SUCLA2: variants seen among roughly 807,000 people sequenced by gnomAD.
SUCLA2 encodes succinate--CoA ligase [ADP-forming] subunit beta, mitochondrial.
A neutral mutation model predicts 54.8 loss-of-function variants in SUCLA2; 30 were observed. The observed-to-expected ratio is 0.55, with a 90% confidence interval of 0.41 to 0.74. The LOEUF (loss-of-function observed/expected upper bound fraction) is 0.74. Ranked by LOEUF, SUCLA2 falls within the 30% of genes least tolerant of loss-of-function variation. The probability of loss-of-function intolerance (pLI) is 0.00; values close to 1 mark genes in which losing one functional copy is unlikely to be tolerated. For synonymous variants in SUCLA2, 172 were observed against 188.9 expected, an observed-to-expected ratio of 0.91 and a Z score of 0.74; for missense variants, 476 against 562.9, an observed-to-expected ratio of 0.85 and a Z score of 1.56.
chr13:47,970,109 C>CA (rs34021393), intron 5 of SUCLA2, among the ~76,000 whole-genome samples: 9,099 of 140,086 alleles, frequency 0.065, 317 homozygotes, highest in Middle Eastern at 0.089. Flanking sequence ...CTCCCCCCCA[C>CA]AAAAAAAAAA....
chr13:47,963,553 G>A (rs1181764734), intron 6 of SUCLA2, among the ~76,000 whole-genome samples: 8 of 152,150 alleles, frequency 5.3e-5, no homozygotes, highest in African/African-American at 1.9e-4. Flanking sequence ...GCCGAGACAG[G>A]AGAATCGCCT....
At chr13:47,989,292 G>C (rs1950132273) in intron 2 of SUCLA2, among the ~76,000 whole-genome samples, 1 of 150,256 alleles carries the variant, frequency 6.7e-6, no homozygotes, top group South Asian at 2.1e-4. Context: ...CTCACTGTAA[G>C]CTCCGCCTCC....
Position 47,998,701 on chromosome 13 carries a change from G to C in SUCLA2, c.91-1678C>G, listed in dbSNP as rs112876389. Among the ~76,000 whole-genome samples the C allele has an allele frequency of 7.2e-5, 11 of 152,250 alleles. 1 individual carries two copies. Among genetic ancestry groups the C allele is most frequent in the African/African-American group, 2.6e-4 (11 of 41,550 alleles). On this transcript the variant is annotated intron_variant, in intron 1 of 10. Coordinates refer to ENST00000646932, the MANE Select transcript of SUCLA2 (RefSeq NM_003850.3). ...TAGCGTTCAAAACCAGTCAAAATTA[G>C]CCTATGGTGACAGAAGTCATAATTG...
chr13:47,989,817 C>T (rs1053843971), intron 2 of SUCLA2, among the ~76,000 whole-genome samples: 19 of 152,148 alleles, frequency 1.2e-4, no homozygotes, highest in African/African-American at 4.6e-4. Flanking sequence ...TATTAAAATA[C>T]ATTATTGAGC....
At chr13:47,945,510 A>G (rs924575507) in intron 10 of SUCLA2, among the ~76,000 whole-genome samples, 2 of 151,512 alleles carry the variant, frequency 1.3e-5, no homozygotes, top group Non-Finnish European at 2.9e-5. Context: ...TGAAATGTCT[A>G]TAAACATAAT....
At chr13:47,964,117 T>C (rs943943341) in intron 6 of SUCLA2, among the ~76,000 whole-genome samples, 1 of 152,108 alleles carries the variant, frequency 6.6e-6, no homozygotes, top group Admixed American at 6.5e-5. Flanking sequence ...TTCTATACAG[T>C]GGAATGCTAC....
chr13:47,957,881 TCA>T (rs1396040809), intron 6 of SUCLA2, among the ~76,000 whole-genome samples: 1 of 152,198 alleles, frequency 6.6e-6, no homozygotes, highest in Non-Finnish European at 1.5e-5. Context: ...CTCAAGTGTG[TCA>T]GTTTGGACAC....
chr13:47,981,633 T>A (rs1249838451), intron 4 of SUCLA2, among the ~76,000 whole-genome samples: 1 of 152,140 alleles, frequency 6.6e-6, no homozygotes, highest in Non-Finnish European at 1.5e-5. Context: ...CTGGCCAACA[T>A]AGTGAAACCC....
chr13:47,969,970 C>T (rs567951315), intron 5 of SUCLA2, among the ~76,000 whole-genome samples: 5 of 151,818 alleles, frequency 3.3e-5, no homozygotes, highest in South Asian at 4.2e-4. Flanking sequence ...GGTGTGGTGA[C>T]GCATGCCTGT....
At chr13:47,959,125 T>C (rs986192475) in intron 6 of SUCLA2, among the ~76,000 whole-genome samples, 3 of 152,162 alleles carry the variant, frequency 2.0e-5, no homozygotes, top group African/African-American at 7.2e-5. Context: ...GGATAAGATA[T>C]AATTCTGTTT....
chr13:47,958,858 T>G (rs930717310), intron 6 of SUCLA2, among the ~76,000 whole-genome samples: 1 of 152,232 alleles, frequency 6.6e-6, no homozygotes, highest in African/African-American at 2.4e-5. Flanking sequence ...TTTTCAGAAG[T>G]AATCTAGATA....
At chr13:47,968,794 A>C in intron 5 of SUCLA2, 61 bp from the exon 6 acceptor site, 1 of 1,564,324 alleles carries the variant, frequency 6.4e-7, no homozygotes, top group Non-Finnish European at 8.7e-7. Flanking sequence ...ACATTACTAT[A>C]AATAAAAAGC....
At chr13:47,973,518 T>G in intron 4 of SUCLA2, 126 bp from the exon 5 acceptor site, 1 of 1,067,818 alleles carries the variant, frequency 9.4e-7, no homozygotes, top group South Asian at 1.4e-5. Context: ...TTTTAAAATT[T>G]TCTTGAGAAT....
chr13:47,995,442 T>C (rs1300983794), intron 2 of SUCLA2, among the ~76,000 whole-genome samples: 2 of 152,108 alleles, frequency 1.3e-5, no homozygotes, highest in African/African-American at 4.8e-5. Flanking sequence ...AAACTATAAA[T>C]GAAAAATCAT....
intron 4 of SUCLA2, among the ~76,000 whole-genome samples, chr13:47,984,646 T>C (rs888175855): frequency 6.6e-6 from 1 of 152,050 alleles, no homozygotes; most frequent in African/African-American, 2.4e-5. Flanking sequence ...CATCGTGGAA[T>C]GCACCTGTAA....
At chr13:47,986,538 TTTAGC>T (rs1355474811) in intron 4 of SUCLA2, among the ~76,000 whole-genome samples, 1 of 152,236 alleles carries the variant, frequency 6.6e-6, no homozygotes, top group Non-Finnish European at 1.5e-5. Context: ...GCAGAAGCTC[TTTAGC>T]TTAATTAGAT....
intron 2 of SUCLA2, among the ~76,000 whole-genome samples, chr13:47,990,165 T>C (rs1165847616): frequency 6.6e-6 from 1 of 152,152 alleles, no homozygotes; most frequent in Non-Finnish European, 1.5e-5. Context: ...CTAGCCAATA[T>C]GGTGAAATCT....
At chr13:47,971,839 GA>G (rs1419697204) in intron 5 of SUCLA2, 10 of 398,268 alleles carry the variant, frequency 2.5e-5, no homozygotes, top group Middle Eastern at 6.2e-4. Flanking sequence ...TCCAGACTAC[GA>G]AAAACAATGA....
chr13:47,966,789 A>C lies in SUCLA2; in HGVS notation c.802+1806T>G, dbSNP rs554024737. On this transcript the variant is annotated intron_variant, in intron 6 of 10. Transcript: ENST00000646932. Reference sequence around the variant, plus strand: ...CCAGCACTTCAGGAGCTGAGGTAAGAGGATGGCTTGAGTACATGCGTTGGA... The same window carrying C: ...CCAGCACTTCAGGAGCTGAGGTAAGCGGATGGCTTGAGTACATGCGTTGGA... Among the ~76,000 whole-genome samples, 78 of 151,660 alleles carry C rather than the reference A, an allele frequency of 5.1e-4. 1 individual carries two copies. Among genetic ancestry groups the C allele is most frequent in the Non-Finnish European group, 1.6e-4 (11 of 67,938 alleles).
Sources: allele counts gnomAD v4.1 joint callset (sites outside exome capture counted in the v4.1 genomes callset), GRCh38; gene constraint gnomAD v4.1.1; transcripts MANE v1.5; gene names NCBI Gene and HGNC (gene_info 2026-07-23, HGNC 2026-07-21).